Variants in SLC24A2 observed in about 807,000 individuals in gnomAD.
SLC24A2 encodes sodium/potassium/calcium exchanger 2.
Under a neutral mutation model 62.0 loss-of-function variants are expected in SLC24A2, and 36 were observed. That is an observed-to-expected ratio of 0.58 (90% CI 0.44 to 0.77). The LOEUF (loss-of-function observed/expected upper bound fraction) is 0.77, where lower values mean the gene tolerates loss of function less well. SLC24A2 is among the 30% of genes least tolerant of loss of function. SLC24A2 has a pLI of 0.00. For missense variants in SLC24A2, 846 were observed against 817.9 expected (o/e 1.03, Z -0.42); for synonymous variants, 358 against 294.0 (o/e 1.22, Z -2.23).
At chr9:19,819,256 A>G in the SLC24A2 span, among the ~76,000 whole-genome samples, 1 of 152,220 alleles carries the variant, frequency 6.6e-6, no homozygotes, top group Non-Finnish European at 1.5e-5. Context: ...CTAGAAGATA[A>G]CATTGGAAAA....
chr9:20,008,449 T>C, the SLC24A2 span, among the ~76,000 whole-genome samples: 108 of 152,234 alleles, frequency 7.1e-4, no homozygotes, highest in African/African-American at 2.5e-3. Flanking sequence ...CTCTACTTCT[T>C]CATTGCTGAA....
the SLC24A2 span, among the ~76,000 whole-genome samples, chr9:20,275,986 G>A: frequency 6.6e-5 from 10 of 152,250 alleles, no homozygotes; most frequent in South Asian, 8.3e-4. Context: ...CCCATGACAC[G>A]TGGGGATTAT....
the SLC24A2 span, among the ~76,000 whole-genome samples, chr9:19,821,058 T>G: frequency 6.6e-6 from 1 of 152,052 alleles, no homozygotes; most frequent in Admixed American, 6.6e-5. Context: ...AAATGGTAAA[T>G]TTTTTTAGTG....
the SLC24A2 span, among the ~76,000 whole-genome samples, chr9:20,002,160 C>T: frequency 6.6e-6 from 1 of 152,098 alleles, no homozygotes; most frequent in African/African-American, 2.4e-5. Flanking sequence ...TTCTGCTTGT[C>T]ACCACAAGAT....
At chr9:20,154,287 G>A in the SLC24A2 span, among the ~76,000 whole-genome samples, 1 of 151,800 alleles carries the variant, frequency 6.6e-6, no homozygotes, top group African/African-American at 2.4e-5. Context: ...CAAATTGTAA[G>A]GTGACAAATG....
chr9:19,846,059 A>G, the SLC24A2 span, among the ~76,000 whole-genome samples: 1 of 152,036 alleles, frequency 6.6e-6, no homozygotes, highest in Non-Finnish European at 1.5e-5. Context: ...AGAAGAATGT[A>G]TATTTTGTGT....
At chr9:20,034,592 G>A in the SLC24A2 span, among the ~76,000 whole-genome samples, 1 of 151,058 alleles carries the variant, frequency 6.6e-6, no homozygotes, top group African/African-American at 2.4e-5. Context: ...TCAGCTTCCC[G>A]AGGAGCTGGG....
At chr9:19,934,992 A>G in the SLC24A2 span, among the ~76,000 whole-genome samples, 12 of 152,164 alleles carry the variant, frequency 7.9e-5, no homozygotes, top group African/African-American at 2.4e-4. The surrounding 1 kb of genome is among the most constrained non-coding windows in gnomAD (Gnocchi z 4.1). Flanking sequence ...GAAAGGAGGA[A>G]TCGATTTCTT....
chr9:19,608,157 G>A (rs2132928358), intron 4 of SLC24A2, among the ~76,000 whole-genome samples: 1 of 152,298 alleles, frequency 6.6e-6, no homozygotes, highest in Non-Finnish European at 1.5e-5. Context: ...GGCGGAGGCT[G>A]CACGCAAACA....
chr9:20,286,232 A>G, the SLC24A2 span, among the ~76,000 whole-genome samples: 2 of 152,206 alleles, frequency 1.3e-5, no homozygotes, highest in Non-Finnish European at 2.9e-5. Flanking sequence ...AGAAAATCCA[A>G]GCTACCATGG....
chr9:20,105,396 T>C, the SLC24A2 span, among the ~76,000 whole-genome samples: 1 of 151,898 alleles, frequency 6.6e-6, no homozygotes, highest in South Asian at 2.1e-4. Context: ...AGAATATACA[T>C]TTTTTTCAGC....
chr9:20,294,820 C>CCCAACATTATA, the SLC24A2 span, among the ~76,000 whole-genome samples: 2 of 152,044 alleles, frequency 1.3e-5, no homozygotes, highest in Non-Finnish European at 2.9e-5. Flanking sequence ...CAAATGGCCA[C>CCCAACATTATA]CCAACATTGG....
At chr9:20,302,357 A>T in the SLC24A2 span, among the ~76,000 whole-genome samples, 1 of 152,206 alleles carries the variant, frequency 6.6e-6, no homozygotes, top group Non-Finnish European at 1.5e-5. Flanking sequence ...CCAGCAATCA[A>T]TGAGAGCTCC....
chr9:20,113,567 A>G, the SLC24A2 span, among the ~76,000 whole-genome samples: 1 of 152,166 alleles, frequency 6.6e-6, no homozygotes, highest in African/African-American at 2.4e-5. Flanking sequence ...ATTTTGGTTA[A>G]TATTTCTATA....
chr9:20,226,296 T>C, the SLC24A2 span, among the ~76,000 whole-genome samples: 3 of 152,160 alleles, frequency 2.0e-5, no homozygotes, highest in African/African-American at 7.2e-5. Context: ...CCAGCTCATT[T>C]TGGCTTAAGG....
At chr9:20,059,131 A>C in the SLC24A2 span, among the ~76,000 whole-genome samples, 1 of 152,202 alleles carries the variant, frequency 6.6e-6, no homozygotes, top group Admixed American at 6.5e-5. Context: ...AAAAGGTAAA[A>C]AGGGACTTTA....
chr9:20,096,131 T>C, the SLC24A2 span, among the ~76,000 whole-genome samples: 1 of 151,886 alleles, frequency 6.6e-6, no homozygotes, highest in African/African-American at 2.4e-5. Flanking sequence ...GTCCATCCTA[T>C]TGATTCTTCT....
the SLC24A2 span, among the ~76,000 whole-genome samples, chr9:19,959,826 A>G: frequency 2.6e-5 from 4 of 152,202 alleles, no homozygotes; most frequent in African/African-American, 9.6e-5. Flanking sequence ...ATCTCACTCA[A>G]TCCTTGCAAC....
the SLC24A2 span, among the ~76,000 whole-genome samples, chr9:19,968,430 A>G: frequency 6.6e-6 from 1 of 152,228 alleles, no homozygotes; most frequent in East Asian, 1.9e-4. Context: ...ACAAAACTGT[A>G]TTACAATTTC....
Sources: gnomAD v4.1 joint callset for allele counts (sites outside exome capture counted in the v4.1 genomes callset) on GRCh38, gnomAD v4.1.1 for gene constraint, Gnocchi (gnomAD v3.1) non-coding constraint, MANE v1.5 for transcripts, NCBI Gene and HGNC (gene_info 2026-07-23, HGNC 2026-07-21) for gene names.